Variants in PAMR1 observed in about 807,000 individuals in gnomAD.
The protein encoded by PAMR1 is peptidase domain containing associated with muscle regeneration 1, also known as inactive serine protease PAMR1.
In PAMR1, 88 loss-of-function variants were observed where a neutral mutation model predicts 81.8. The ratio of observed to expected loss-of-function variants is 1.08; its 90% CI spans 0.91 to 1.28. PAMR1 has a LOEUF of 1.28. PAMR1 is among the 50% of genes most tolerant of loss of function. The pLI is 0.00. For missense variants in PAMR1, 935 were observed against 919.7 expected, an observed-to-expected ratio of 1.02 and a Z score of -0.21; for synonymous variants, 336 against 345.3, an observed-to-expected ratio of 0.97 and a Z score of 0.30.
At chr11:35,466,309 T>C (rs11602786) in intron 6 of PAMR1, among the ~76,000 whole-genome samples, 17,591 of 152,174 alleles carry the variant, frequency 0.12, 1,288 homozygotes, top group South Asian at 0.17. Context: ...TCTATGTCTC[T>C]AGCAGTCACA....
chr11:35,525,570 A>G lies in PAMR1; in HGVS notation c.16T>C (p.Trp6Arg). The change falls in exon 1 of 11, where the codon TGG (tryptophan) becomes CGG (arginine). Residue 6 changes from tryptophan (W) to arginine (R), a missense_variant. Transcript: ENST00000619888. Reference sequence around the variant, plus strand: ...AGAAAAGTGAGCCCCAACTGCGTCCAGCAACCCAGCTCCATCCTTGCCGCG... The same window carrying G: ...AGAAAAGTGAGCCCCAACTGCGTCCGGCAACCCAGCTCCATCCTTGCCGCG... MELGCWTQLGLTFLQL... is the reference protein window; with the variant it reads MELGCRTQLGLTFLQL... 1 of 1,614,000 alleles carries G rather than the reference A, an allele frequency of 6.2e-7. No individual in the cohort carries two copies. The highest frequency in any genetic ancestry group is 8.5e-7 in the Non-Finnish European group (1 of 1,179,954).
rs201076075 is a variant in PAMR1, at chr11:35,492,045, G to T, written c.379C>A (p.Arg127=). Residue 127 remains arginine, a splice_region_variant and synonymous_variant, in exon 3 of 11, where the codon CGA becomes AGA. Transcript: ENST00000619888. ...RAGWYGGDCM[R]CGQVLRAPKG... is the part of the protein sequence containing the mutation. ...TGGAGCTAGGTCAAGGTCTACTTACGCATGCAGTCTCCTCCGTACCAGCCT... is the reference window on the plus strand; with the variant it reads ...TGGAGCTAGGTCAAGGTCTACTTACTCATGCAGTCTCCTCCGTACCAGCCT... The T allele has an allele frequency of 6.2e-7, 1 of 1,610,946 alleles. No individual in the cohort carries two copies. Among genetic ancestry groups the T allele is most frequent in the Non-Finnish European group, 8.5e-7 (1 of 1,178,464 alleles).
At chr11:35,470,850 G>A in intron 4 of PAMR1, 32 bp from the exon 5 acceptor site, 2 of 1,512,602 alleles carry the variant, frequency 1.3e-6, no homozygotes, top group Non-Finnish European at 1.8e-6. Flanking sequence ...GAGGGAAGCA[G>A]ATGGGCCCTG....
intron 6 of PAMR1, 91 bp from the exon 7 acceptor site, chr11:35,441,784 T>C: frequency 1.2e-6 from 1 of 809,252 alleles, no homozygotes; most frequent in Non-Finnish European, 1.9e-6. Flanking sequence ...GAACTAAAAA[T>C]ACAATGATAT....
At chr11:35,437,657 A>G (rs1249095171) in intron 8 of PAMR1, among the ~76,000 whole-genome samples, 1 of 152,224 alleles carries the variant, frequency 6.6e-6, no homozygotes, top group Non-Finnish European at 1.5e-5. Flanking sequence ...ACTTAAAACC[A>G]AGTTTCAGCC....
rs377213563 is a variant in PAMR1 at position 35,448,284 on chromosome 11, A to T, written c.821-6591T>A. Among the ~76,000 whole-genome samples the T allele has an allele frequency of 3.5e-4, 53 of 152,126 alleles. 1 individual carries two copies. In the East Asian group the frequency reaches 8.5e-3, roughly 24 times the overall value. The stretch of plus-strand genomic sequence containing the variant: ...CCTGTCTCTTTCAGGTACCCCAATC[A>T]GGTTTGGTCTTTTTACATAATCCCA... On this transcript the variant is annotated intron_variant, in intron 6 of 10. Transcript: ENST00000619888.
chr11:35,458,990 T>G (rs1590335840), intron 6 of PAMR1, among the ~76,000 whole-genome samples: 1 of 152,210 alleles, frequency 6.6e-6, no homozygotes, highest in Non-Finnish European at 1.5e-5. Context: ...GAAAACTCTT[T>G]TGATCCCTTT....
chr11:35,478,700 C>A (rs375294135), intron 3 of PAMR1, among the ~76,000 whole-genome samples: 1 of 152,182 alleles, frequency 6.6e-6, no homozygotes, highest in South Asian at 2.1e-4. Context: ...AGTGTCCCTG[C>A]CAAGGAAGTA....
Position 35,434,419 on chromosome 11 carries a change from T to C in PAMR1, c.1626+93A>G. The C allele has an allele frequency of 3.1e-6, 4 of 1,280,422 alleles. No individual in the cohort carries two copies. The African/African-American group carries it at 4.4e-5, about 14-fold the overall frequency. The allele number at this position is 1,280,422 out of a possible 1,614,324, so 79.3% of individuals were successfully genotyped here. Reference sequence around the variant, plus strand: ...GGCTCTGGGCTGGCTGCTGACATGCTAAGGGGACAGAGCTTGGTATAATCA... The same window carrying C: ...GGCTCTGGGCTGGCTGCTGACATGCCAAGGGGACAGAGCTTGGTATAATCA... On this transcript the variant is annotated intron_variant, in intron 10 of 10. Coordinates refer to ENST00000619888, the MANE Select transcript of PAMR1 (RefSeq NM_001001991.3).
intron 7 of PAMR1, among the ~76,000 whole-genome samples, chr11:35,439,987 A>G (rs1206005953): frequency 6.6e-6 from 1 of 152,224 alleles, no homozygotes; most frequent in Admixed American, 6.5e-5. Flanking sequence ...TCATCTGTTC[A>G]TGTGAATGTA....
intron 3 of PAMR1, among the ~76,000 whole-genome samples, chr11:35,483,647 C>G (rs1590362334): frequency 6.6e-6 from 1 of 152,086 alleles, no homozygotes; most frequent in South Asian, 2.1e-4. Context: ...GAAGAATTCA[C>G]CCCTCTGGAG....
chr11:35,434,367 T>G, intron 10 of PAMR1, 145 bp downstream of exon 10: 5 of 681,374 alleles, frequency 7.3e-6, no homozygotes, highest in Non-Finnish European at 1.2e-5. Flanking sequence ...TATCTCAATA[T>G]GAAATAATGA....
At chr11:35,528,522 G>A (rs535084121), upstream of PAMR1, among the ~76,000 whole-genome samples, 9 of 152,244 alleles carry the variant, frequency 5.9e-5, no homozygotes, top group African/African-American at 2.2e-4. Flanking sequence ...ATCTCTTTGA[G>A]TTACTCCTCA....
chr11:35,507,763 G>T (rs1465489379), intron 1 of PAMR1, among the ~76,000 whole-genome samples: 14 of 147,302 alleles, frequency 9.5e-5, no homozygotes, highest in Admixed American at 7.4e-4. Context: ...GGGTATGTTT[G>T]CTTAGAAATT....
At position 35,441,463 on chromosome 11, in the gene PAMR1, G is replaced by C. The variant is rs775490541; in HGVS notation, c.1033+18C>G. The C allele has an allele frequency of 6.3e-7, 1 of 1,586,784 alleles. No homozygotes were observed. Among genetic ancestry groups the C allele is most frequent in the Admixed American group, 1.7e-5 (1 of 59,826 alleles). On this transcript the variant is annotated intron_variant, in intron 7 of 10. Transcript: ENST00000619888. Reference sequence around the variant, plus strand: ...ACTTCATCAATGTCCGTAGACTTCAGAAACAATTGTAAGTTACCTTTTATG... The same window carrying C: ...ACTTCATCAATGTCCGTAGACTTCACAAACAATTGTAAGTTACCTTTTATG...
chr11:35,459,734 TAGA>T (rs1856610648), intron 6 of PAMR1, among the ~76,000 whole-genome samples: 2 of 152,026 alleles, frequency 1.3e-5, no homozygotes, highest in South Asian at 4.1e-4. Flanking sequence ...AAAGCCTTGC[TAGA>T]AGAAGCTGTA....
At chr11:35,462,902 A>T (rs987705680) in intron 6 of PAMR1, among the ~76,000 whole-genome samples, 4 of 152,206 alleles carry the variant, frequency 2.6e-5, no homozygotes, top group Admixed American at 2.6e-4. Context: ...TGATGGACAA[A>T]GATGCACCTG....
chr11:35,501,893 A>C (rs1430013802), intron 1 of PAMR1, among the ~76,000 whole-genome samples: 2 of 152,230 alleles, frequency 1.3e-5, no homozygotes, highest in Non-Finnish European at 2.9e-5. Context: ...TGCAATAAAC[A>C]TAAGAGTGGA....
chr11:35,453,282 G>T (rs1459656137), intron 6 of PAMR1: 1 of 152,170 alleles, frequency 6.6e-6, no homozygotes, highest in Non-Finnish European at 1.5e-5. Flanking sequence ...AAAGCCCATT[G>T]TTGGGCCTAT....
Sources: gnomAD v4.1 joint callset for allele counts (sites outside exome capture counted in the v4.1 genomes callset) on GRCh38, gnomAD v4.1.1 for gene constraint, MANE v1.5 for transcripts, NCBI Gene and HGNC (gene_info 2026-07-23, HGNC 2026-07-21) for gene names.